FBXW8: variants seen among roughly 807,000 people sequenced by gnomAD.
The protein encoded by FBXW8 is F-box/WD repeat-containing protein 8.
Under a neutral mutation model 65.3 loss-of-function variants are expected in FBXW8, and 57 were observed. The ratio of observed to expected loss-of-function variants is 0.87; its 90% CI spans 0.71 to 1.09. The LOEUF is 1.09. Ranked by LOEUF, FBXW8 falls within the 50% of genes least tolerant of loss-of-function variation. The pLI, the probability that FBXW8 is intolerant of heterozygous loss-of-function variation, is 0.00. For synonymous variants in FBXW8, 308 were observed against 330.2 expected (o/e 0.93, Z 0.73); for missense variants, 777 against 814.8 (o/e 0.95, Z 0.57).
chr12:116,999,957 T>C (rs1953472316), intron 7 of FBXW8, among the ~76,000 whole-genome samples: 1 of 151,322 alleles, frequency 6.6e-6, no homozygotes, highest in African/African-American at 2.4e-5. Flanking sequence ...CCTGAGCTTG[T>C]ACAGAACACA....
At chr12:116,997,808 T>C (rs929013867) in intron 7 of FBXW8, among the ~76,000 whole-genome samples, 3 of 152,104 alleles carry the variant, frequency 2.0e-5, no homozygotes, top group Non-Finnish European at 4.4e-5. Flanking sequence ...AGAATTGTTT[T>C]TGTTGTTGTT....
chr12:116,988,967 T>C, intron 7 of FBXW8, 98 bp downstream of exon 7: 1 of 1,154,436 alleles, frequency 8.7e-7, no homozygotes, highest in Non-Finnish European at 1.2e-6. Context: ...TTTTTCCAGA[T>C]ATATCAGGCC....
At chr12:116,987,425 T>C (rs1452792456) in intron 6 of FBXW8, 1 of 152,242 alleles carries the variant, frequency 6.6e-6, no homozygotes, top group African/African-American at 2.4e-5. Context: ...AGAATCAAAT[T>C]ATTCTTGAAA....
intron 5 of FBXW8, among the ~76,000 whole-genome samples, chr12:116,979,788 A>C (rs1437225300): frequency 6.6e-6 from 1 of 151,854 alleles, no homozygotes; most frequent in African/African-American, 2.4e-5. Context: ...AAAAAAAAAA[A>C]AAAAAAAACA....
At chr12:116,944,465 A>G (rs1468095947) in intron 2 of FBXW8, among the ~76,000 whole-genome samples, 3 of 152,166 alleles carry the variant, frequency 2.0e-5, no homozygotes, top group African/African-American at 4.8e-5. Context: ...GTTAAAGAGT[A>G]CAGGGTACTG....
intron 8 of FBXW8, among the ~76,000 whole-genome samples, chr12:117,020,006 T>C (rs1373939815): frequency 6.6e-6 from 1 of 152,132 alleles, no homozygotes; most frequent in Non-Finnish European, 1.5e-5. Context: ...CCTCCCTCAT[T>C]GCGACTGCTT....
At position 116,945,538 on chromosome 12, in the gene FBXW8, G is replaced by A; in HGVS notation, c.588+10G>A. 6.2e-7 allele frequency: 1 copy of A among 1,611,986 alleles called. No homozygotes were observed. The highest frequency in any genetic ancestry group is 1.1e-5 in the South Asian group (1 of 90,764). ...ACGAACCAACTGGAAGGTGGGCAGT[G>A]GCCAATATCATTACCTGTGAAAGAA... On this transcript the variant is annotated intron_variant, in intron 3 of 10. Coordinates refer to ENST00000652555, the MANE Select transcript of FBXW8 (RefSeq NM_153348.3).
At position 116,961,757 on chromosome 12, in the gene FBXW8, C is replaced by T. The variant is rs1023191207; in HGVS notation, c.678-2940C>T. ...GCCATGACGGAGACGTCCAGGCTGC[C>T]GTGAAGGTAGATCGTAGTGCGGTGT... On this transcript the variant is annotated intron_variant, in intron 4 of 10. Coordinates refer to ENST00000652555, the MANE Select transcript of FBXW8 (RefSeq NM_153348.3). The surrounding 1 kb of genome is among the most constrained non-coding windows in gnomAD (Gnocchi z 4.4). Among the ~76,000 whole-genome samples, 4 of 152,058 alleles carry T rather than the reference C, an allele frequency of 2.6e-5. No individual in the cohort carries two copies. Among genetic ancestry groups the T allele is most frequent in the African/African-American group, 4.8e-5 (2 of 41,396 alleles).
chr12:116,961,256 C>G lies in FBXW8; in HGVS notation c.678-3441C>G, dbSNP rs1282461572. On this transcript the variant is annotated intron_variant, in intron 4 of 10. Transcript: ENST00000652555. The surrounding 1 kb of genome is among the most constrained non-coding windows in gnomAD (Gnocchi z 4.4). ...GGTGATCTGCCCCTGCCCTCAGCCT[C>G]CCAAAGTGCTGGGATTACAGGCATG... 6.6e-6 allele frequency among the ~76,000 whole-genome samples: 1 copy of G among 152,206 alleles called. No individual in the cohort carries two copies. The highest frequency in any genetic ancestry group is 1.5e-5 in the Non-Finnish European group (1 of 68,036).
chr12:116,932,657 T>G (rs1881861082), intron 2 of FBXW8, among the ~76,000 whole-genome samples: 1 of 152,190 alleles, frequency 6.6e-6, no homozygotes, highest in Non-Finnish European at 1.5e-5. Context: ...TGCCTCAGCC[T>G]CCCAAGTAGC....
At chr12:116,992,420 G>GTT (rs1181841663) in intron 7 of FBXW8, among the ~76,000 whole-genome samples, 97 of 147,846 alleles carry the variant, frequency 6.6e-4, no homozygotes, top group African/African-American at 2.3e-3. Flanking sequence ...GAAGATCAGA[G>GTT]TTTTGTTTTT....
intron 7 of FBXW8, among the ~76,000 whole-genome samples, chr12:116,997,517 T>A (rs1953404170): frequency 6.6e-6 from 1 of 152,174 alleles, no homozygotes; most frequent in Admixed American, 6.5e-5. Context: ...AAAGGTAATG[T>A]CCTTTGTATG....
intron 1 of FBXW8, among the ~76,000 whole-genome samples, chr12:116,922,202 C>T (rs899488233): frequency 6.6e-6 from 1 of 151,980 alleles, no homozygotes. Context: ...TAAATGGATG[C>T]TTATTTATCT....
At chr12:117,020,055 C>T (rs1954056405) in intron 8 of FBXW8, among the ~76,000 whole-genome samples, 1 of 152,216 alleles carries the variant, frequency 6.6e-6, no homozygotes, top group Non-Finnish European at 1.5e-5. Context: ...CACACACGCA[C>T]AGCCTAAATG....
intron 3 of FBXW8, among the ~76,000 whole-genome samples, chr12:116,947,601 G>A (rs983082907): frequency 6.6e-6 from 1 of 151,864 alleles, no homozygotes; most frequent in Non-Finnish European, 1.5e-5. Flanking sequence ...TTAGCCGGGC[G>A]TGGTGGCACA....
chr12:117,009,894 G>A (rs779075143), intron 7 of FBXW8, among the ~76,000 whole-genome samples: 6 of 152,068 alleles, frequency 3.9e-5, no homozygotes, highest in Non-Finnish European at 7.4e-5. Flanking sequence ...TTCTTTTCCC[G>A]CCTGTGACGT....
intron 2 of FBXW8, among the ~76,000 whole-genome samples, chr12:116,937,744 A>G (rs1419339115): frequency 7.3e-5 from 11 of 151,292 alleles, no homozygotes; most frequent in African/African-American, 2.7e-4. Context: ...CTCCCACAGT[A>G]GACTTGATGT....
At chr12:116,912,300 C>A (rs187231990) in intron 1 of FBXW8, among the ~76,000 whole-genome samples, 75 of 151,762 alleles carry the variant, frequency 4.9e-4, no homozygotes, top group African/African-American at 1.8e-3. Context: ...CCATCCTCTT[C>A]CCTCAGCATC....
intron 2 of FBXW8, among the ~76,000 whole-genome samples, chr12:116,940,592 C>T (rs768787475): frequency 2.0e-5 from 3 of 149,290 alleles, no homozygotes; most frequent in South Asian, 2.1e-4. Context: ...AGAATGTGAA[C>T]GGTGAGAGAT....
Sources: gnomAD v4.1 joint callset for allele counts (sites outside exome capture counted in the v4.1 genomes callset) on GRCh38, gnomAD v4.1.1 for gene constraint, Gnocchi (gnomAD v3.1) non-coding constraint, MANE v1.5 for transcripts, NCBI Gene and HGNC (gene_info 2026-07-23, HGNC 2026-07-21) for gene names.